The following TRIO variants were observed in gnomAD, a reference collection of about 807,000 sequenced individuals.
TRIO encodes the protein trio Rho guanine nucleotide exchange factor.
A neutral mutation model predicts 351.9 loss-of-function variants in TRIO; 58 were observed. The ratio of observed to expected loss-of-function variants is 0.16; its 90% CI spans 0.13 to 0.21. The LOEUF (loss-of-function observed/expected upper bound fraction) is 0.21, where lower values mean the gene tolerates loss of function less well. TRIO is among the 10% of genes least tolerant of loss of function. The pLI is 1.00. For missense variants in TRIO, 3,201 were observed against 4,027.8 expected (o/e 0.79, Z 5.56); for synonymous variants, 1,758 against 1,595.7 (o/e 1.10, Z -2.42).
intron 34 of TRIO, among the ~76,000 whole-genome samples, chr5:14,450,626 A>G (rs1752787329): frequency 1.3e-5 from 2 of 152,124 alleles, no homozygotes; most frequent in African/African-American, 4.8e-5. Context: ...CAGAGTTCAT[A>G]TTTTTGCATT....
rs34046917 is a variant in TRIO at position 14,481,771 on chromosome 5, CTTTTTTTTTTTT to C, written c.6465+165_6465+176del. ...CTCAATCTGATTGATATTTTATTTC[CTTTTTTTTTTTT>C]TTTTTTTTTTTGGTGCGTTTGGTTT... On this transcript the variant is annotated intron_variant, in intron 45 of 56. Transcript: ENST00000344204. 3.7e-5 allele frequency: 7 copies of C among 189,352 alleles called. No homozygotes were observed. In the Admixed American group the frequency reaches 5.7e-4, roughly 15 times the overall value. The allele number at this position is 189,352 out of a possible 1,614,324, so 11.7% of individuals were successfully genotyped here.
intron 47 of TRIO, 22 bp downstream of exon 47, chr5:14,485,268 G>T: frequency 6.4e-7 from 1 of 1,554,654 alleles, no homozygotes; most frequent in Non-Finnish European, 8.7e-7. Context: ...TCTGTTACTA[G>T]ATGTGTGCTT....
intron 34 of TRIO, among the ~76,000 whole-genome samples, chr5:14,439,533 A>G (rs910030433): frequency 1.3e-5 from 2 of 152,264 alleles, no homozygotes; most frequent in African/African-American, 4.8e-5. Flanking sequence ...CAACTTTTTA[A>G]TAACGGTTGT....
chr5:14,189,720 C>T (rs1453704772), intron 1 of TRIO, among the ~76,000 whole-genome samples: 1 of 150,354 alleles, frequency 6.7e-6, no homozygotes, highest in South Asian at 2.1e-4. Flanking sequence ...TGAATGTCTT[C>T]GTTTTAACTT....
intron 37 of TRIO, among the ~76,000 whole-genome samples, chr5:14,470,122 C>T (rs1263092281): frequency 6.6e-6 from 1 of 152,172 alleles, no homozygotes; most frequent in East Asian, 1.9e-4. Context: ...AAACTCTGTT[C>T]CTTAACTAAC....
At chr5:14,379,606 T>A (rs1745887057) in intron 20 of TRIO, among the ~76,000 whole-genome samples, 1 of 152,222 alleles carries the variant, frequency 6.6e-6, no homozygotes, top group Admixed American at 6.5e-5. Flanking sequence ...ATATTCAAGA[T>A]CATCGGAGGC....
At chr5:14,237,931 G>A (rs190501094) in intron 1 of TRIO, among the ~76,000 whole-genome samples, 1 of 152,238 alleles carries the variant, frequency 6.6e-6, no homozygotes, top group Admixed American at 6.5e-5. Context: ...CTAACATTTA[G>A]CATTATTACT....
chr5:14,220,416 A>C (rs1792540411), intron 1 of TRIO, among the ~76,000 whole-genome samples: 1 of 152,148 alleles, frequency 6.6e-6, no homozygotes, highest in South Asian at 2.1e-4. Flanking sequence ...CAGTTAATAA[A>C]TCCAACTATG....
intron 48 of TRIO, chr5:14,488,916 T>C (rs1756259865): frequency 2.6e-6 from 2 of 760,378 alleles, no homozygotes; most frequent in African/African-American, 1.7e-5. Context: ...CCTGCTGGGC[T>C]CTGGCCTCGT....
At chr5:14,506,970 T>G in intron 55 of TRIO, 152 bp from the exon 56 acceptor site, 1 of 1,089,358 alleles carries the variant, frequency 9.2e-7, no homozygotes, top group Non-Finnish European at 1.2e-6. Flanking sequence ...AAAATCCCCC[T>G]CCTTGTCTAG....
intron 11 of TRIO, among the ~76,000 whole-genome samples, chr5:14,349,341 G>C (rs1027803486): frequency 1.1e-4 from 16 of 144,828 alleles, no homozygotes; most frequent in African/African-American, 4.6e-4. Flanking sequence ...ACATGAGCAT[G>C]TGTTTTTCCT....
intron 11 of TRIO, among the ~76,000 whole-genome samples, chr5:14,339,423 A>C (rs547017943): frequency 6.6e-6 from 1 of 152,374 alleles, no homozygotes; most frequent in Admixed American, 6.5e-5. Flanking sequence ...GACTTACACA[A>C]TAGGAATTTC....
intron 8 of TRIO, among the ~76,000 whole-genome samples, chr5:14,305,134 C>G (rs1331126573): frequency 6.6e-6 from 1 of 152,202 alleles, no homozygotes; most frequent in Admixed American, 6.5e-5. Context: ...TGCTCACGTA[C>G]TGTATCTGTT....
At chr5:14,285,132 A>C (rs1405243943) in intron 3 of TRIO, among the ~76,000 whole-genome samples, 2 of 152,312 alleles carry the variant, frequency 1.3e-5, no homozygotes, top group East Asian at 3.9e-4. Context: ...TCTGCCCGTG[A>C]TGTTACCCGG....
chr5:14,476,545 A>G (rs571198633), intron 40 of TRIO, among the ~76,000 whole-genome samples: 29 of 152,330 alleles, frequency 1.9e-4, no homozygotes, highest in Non-Finnish European at 3.4e-4. Context: ...TAATCCCAGC[A>G]CATTGGGAGG....
At chr5:14,315,251 CTT>C (rs761690853) in intron 8 of TRIO, among the ~76,000 whole-genome samples, 19 of 137,566 alleles carry the variant, frequency 1.4e-4, no homozygotes, top group Non-Finnish European at 7.9e-5. Flanking sequence ...ACTTGCTCCT[CTT>C]TTTTTTTTTT....
In TRIO at chr5:14,498,643, A is replaced by C. The variant is rs751545719; in HGVS notation, c.8332+3A>C. 1 of 1,612,776 alleles carries C rather than the reference A, an allele frequency of 6.2e-7. No individual in the cohort carries two copies. Among genetic ancestry groups the C allele is most frequent in the African/African-American group, 1.3e-5 (1 of 74,922 alleles). On this transcript the variant is annotated splice_donor_region_variant and intron_variant, in intron 53 of 56. Coordinates refer to ENST00000344204, the MANE Select transcript of TRIO (RefSeq NM_007118.4). ...GTCGGCCAGCCTGAGGGTCCTAGGT[A>C]AGCACCGTGCAACGAGGATTCTACG...
intron 37 of TRIO, among the ~76,000 whole-genome samples, chr5:14,467,335 AAAC>A (rs1162585344): frequency 6.6e-6 from 1 of 152,216 alleles, no homozygotes; most frequent in Non-Finnish European, 1.5e-5. Context: ...ACCTCTAATG[AAAC>A]TGGTTGACTG....
intron 34 of TRIO, among the ~76,000 whole-genome samples, chr5:14,446,310 C>T (rs1752436832): frequency 6.6e-6 from 1 of 152,196 alleles, no homozygotes. Context: ...GTTTGAACCC[C>T]ATGTGGGATA....
Sources: allele counts gnomAD v4.1 joint callset (sites outside exome capture counted in the v4.1 genomes callset), GRCh38; gene constraint gnomAD v4.1.1; transcripts MANE v1.5; gene names NCBI Gene and HGNC (gene_info 2026-07-23, HGNC 2026-07-21).